The following VWA3B variants were observed in gnomAD, a reference collection of about 807,000 sequenced individuals.
VWA3B encodes the protein von Willebrand factor A domain containing 3B.
A neutral mutation model predicts 158.3 loss-of-function variants in VWA3B; 138 were observed. The observed-to-expected ratio is 0.87, with a 90% confidence interval of 0.76 to 1.00. The LOEUF is 1.00. Ranked by LOEUF, VWA3B falls within the 50% of genes least tolerant of loss-of-function variation. The probability of loss-of-function intolerance (pLI) is 0.00; values close to 1 mark genes in which losing one functional copy is unlikely to be tolerated. For synonymous variants in VWA3B, 596 were observed against 587.3 expected (o/e 1.01, Z -0.21); for missense variants, 1,555 against 1,565.1 (o/e 0.99, Z 0.11).
chr2:98,301,217 G>A (rs1445277947), intron 25 of VWA3B, among the ~76,000 whole-genome samples: 2 of 150,604 alleles, frequency 1.3e-5, no homozygotes, highest in African/African-American at 4.9e-5. Flanking sequence ...GTGAACCTGG[G>A]AGGCAGAGCT....
At chr2:98,133,721 A>G in intron 6 of VWA3B, 103 bp from the exon 7 acceptor site, 3 of 879,254 alleles carry the variant, frequency 3.4e-6, no homozygotes, top group Non-Finnish European at 5.5e-6. Context: ...GAAGATGAAG[A>G]TGCCCAGTGC....
At chr2:98,108,980 G>GTTTCT (rs1573782161) in intron 2 of VWA3B, among the ~76,000 whole-genome samples, 1 of 141,722 alleles carries the variant, frequency 7.1e-6, no homozygotes, top group African/African-American at 2.7e-5. Context: ...TATCTATAAT[G>GTTTCT]TTTCTTTTCT....
chr2:98,312,020 C>A lies in VWA3B; in HGVS notation c.3723C>A (p.His1241Gln), dbSNP rs201841398. 5.0e-6 allele frequency: 8 copies of A among 1,598,562 alleles called. No individual in the cohort carries two copies. The highest frequency in any genetic ancestry group is 2.3e-5 in the East Asian group (1 of 44,156). ...CCCATGGGTCCTGCCAGGGGACACA[C>A]CCCGAGCCCAGGGTTTGGGTGATGG... ...ISSHGSCQGTHPEPRTAHLHF... is the reference protein window; with the variant it reads ...ISSHGSCQGTQPEPRTAHLHF... Residue 1241 changes from histidine (H) to glutamine (Q), a missense_variant, in exon 27 of 28, where the codon CAC becomes CAA. Physicochemically the swap from His to Gln is conservative, Grantham distance 24. Transcript: ENST00000477737.
intron 26 of VWA3B, among the ~76,000 whole-genome samples, chr2:98,309,157 G>A (rs1336353249): frequency 1.2e-4 from 18 of 145,134 alleles, no homozygotes; most frequent in African/African-American, 3.1e-4. Context: ...GCGACAGAGC[G>A]AGACTCTGTC....
chr2:98,097,728 A>T (rs115172604), intron 2 of VWA3B, among the ~76,000 whole-genome samples: 3 of 152,090 alleles, frequency 2.0e-5, no homozygotes, highest in African/African-American at 7.2e-5. Flanking sequence ...ATATATAAGC[A>T]TTCTTTTTTT....
At chr2:98,207,546 A>G (rs760202591) in intron 12 of VWA3B, 6 of 521,238 alleles carry the variant, frequency 1.2e-5, no homozygotes, top group Non-Finnish European at 1.2e-5. Context: ...TGTCTCAGCC[A>G]TTCCAGGCTG....
At chr2:98,202,642 G>A (rs913199110) in intron 12 of VWA3B, among the ~76,000 whole-genome samples, 20 of 151,834 alleles carry the variant, frequency 1.3e-4, no homozygotes, top group Middle Eastern at 3.4e-3. Context: ...CACAAATTAC[G>A]TTTTATAACT....
chr2:98,138,576 C>T (rs547323121), intron 7 of VWA3B, among the ~76,000 whole-genome samples: 8 of 152,178 alleles, frequency 5.3e-5, no homozygotes, highest in Non-Finnish European at 7.4e-5. Context: ...GGCGGGGGCG[C>T]GGATCTCATA....
At chr2:98,120,653 T>G (rs1258636517) in intron 4 of VWA3B, among the ~76,000 whole-genome samples, 2 of 152,226 alleles carry the variant, frequency 1.3e-5, no homozygotes, top group African/African-American at 4.8e-5. Flanking sequence ...GCCAGTTTAT[T>G]TGCAATTATC....
At chr2:98,285,855 A>G (rs1689136760) in intron 22 of VWA3B, among the ~76,000 whole-genome samples, 1 of 152,120 alleles carries the variant, frequency 6.6e-6, no homozygotes, top group Non-Finnish European at 1.5e-5. Flanking sequence ...TAATGTCTAT[A>G]TATCAGTTTA....
chr2:98,253,438 A>T (rs1023922701), intron 20 of VWA3B, among the ~76,000 whole-genome samples: 1 of 152,150 alleles, frequency 6.6e-6, no homozygotes, highest in Non-Finnish European at 1.5e-5. Flanking sequence ...TCATTTTAAG[A>T]ACCGAGGCAG....
chr2:98,153,781 G>A (rs1677831874), intron 7 of VWA3B, among the ~76,000 whole-genome samples: 1 of 152,210 alleles, frequency 6.6e-6, no homozygotes, highest in South Asian at 2.1e-4. Context: ...TTGTTGCCAC[G>A]TTGCAACTGA....
intron 3 of VWA3B, 151 bp from the exon 4 acceptor site, chr2:98,119,361 TG>T: frequency 1.2e-6 from 1 of 844,318 alleles, no homozygotes; most frequent in South Asian, 1.9e-5. Flanking sequence ...GTTTTTCTGT[TG>T]AAAGACTGGA....
At chr2:98,120,356 G>A (rs1674868841) in intron 4 of VWA3B, among the ~76,000 whole-genome samples, 1 of 152,206 alleles carries the variant, frequency 6.6e-6, no homozygotes, top group African/African-American at 2.4e-5. Flanking sequence ...GATAACGGTT[G>A]GGGAAGGATC....
At chr2:98,123,056 A>T (rs1047619467) in intron 5 of VWA3B, among the ~76,000 whole-genome samples, 1 of 152,180 alleles carries the variant, frequency 6.6e-6, no homozygotes, top group Non-Finnish European at 1.5e-5. Flanking sequence ...GCCGTGTCCT[A>T]TGTTTTATGA....
At chr2:98,328,606 A>G in the VWA3B span, among the ~76,000 whole-genome samples, 1 of 152,166 alleles carries the variant, frequency 6.6e-6, no homozygotes, top group African/African-American at 2.4e-5. Flanking sequence ...AGTGTCAAAA[A>G]CCACAAAGTA....
chr2:98,278,244 A>G (rs1688650610), intron 22 of VWA3B, among the ~76,000 whole-genome samples: 1 of 152,166 alleles, frequency 6.6e-6, no homozygotes, highest in Non-Finnish European at 1.5e-5. Context: ...GGGAGCACGC[A>G]GGTGAGTGGG....
chr2:98,266,741 C>T (rs1156692185), intron 21 of VWA3B, among the ~76,000 whole-genome samples: 38 of 100,562 alleles, frequency 3.8e-4, no homozygotes, highest in South Asian at 2.8e-3. Flanking sequence ...GTTTGTAGTT[C>T]TCCTTGAAGA....
chr2:98,190,856 T>C (rs1461742929), intron 10 of VWA3B, among the ~76,000 whole-genome samples: 1 of 152,142 alleles, frequency 6.6e-6, no homozygotes, highest in Non-Finnish European at 1.5e-5. Flanking sequence ...TCTTGGGTTC[T>C]TTGAGCTTCT....
Sources: gnomAD v4.1 joint callset for allele counts (sites outside exome capture counted in the v4.1 genomes callset) on GRCh38, gnomAD v4.1.1 for gene constraint, MANE v1.5 for transcripts, NCBI Gene and HGNC (gene_info 2026-07-23, HGNC 2026-07-21) for gene names.